GRIP1: variants seen among roughly 807,000 people sequenced by gnomAD.
The protein encoded by GRIP1 is glutamate receptor-interacting protein 1.
In GRIP1, 45 loss-of-function variants were observed where a neutral mutation model predicts 129.9. The ratio of observed to expected loss-of-function variants is 0.35; its 90% confidence interval spans 0.27 to 0.44. The LOEUF is 0.44. GRIP1 is among the 20% of genes least tolerant of loss of function. GRIP1 has a pLI of 1.00. For missense variants in GRIP1, 1,196 were observed against 1,396.8 expected (o/e 0.86, Z 2.29); for synonymous variants, 530 against 520.8 (o/e 1.02, Z -0.24).
intron 7 of GRIP1, among the ~76,000 whole-genome samples, chr12:66,476,344 T>C (rs2059611261): frequency 6.6e-6 from 1 of 152,046 alleles, no homozygotes; most frequent in African/African-American, 2.4e-5. Flanking sequence ...AACAGACCAA[T>C]AACAGGCTCT....
intron 11 of GRIP1, among the ~76,000 whole-genome samples, chr12:66,446,171 T>C (rs946468517): frequency 3.3e-5 from 5 of 150,662 alleles, no homozygotes; most frequent in African/African-American, 4.9e-5. Flanking sequence ...TCTAAGTTGT[T>C]GTATTTCATT....
intron 1 of GRIP1, among the ~76,000 whole-genome samples, chr12:66,812,502 T>C (rs1192369023): frequency 3.3e-5 from 5 of 152,240 alleles, no homozygotes; most frequent in African/African-American, 1.2e-4. Context: ...ATTTACTCAA[T>C]TGTTCTTCAC....
chr12:67,009,849 G>A (rs914897878), intron 1 of GRIP1, among the ~76,000 whole-genome samples: 2 of 152,154 alleles, frequency 1.3e-5, no homozygotes, highest in African/African-American at 2.4e-5. Flanking sequence ...CCACACTGAA[G>A]AAATTCTAGC....
In GRIP1 at chr12:66,772,198, G is replaced by C. The variant is rs868556489; in HGVS notation, c.-420+31855C>G. On this transcript the variant is annotated intron_variant, in intron 1 of 4. Coordinates refer to the GRIP1 transcript ENST00000538373. ...TGCTCATAGATGGCAGTGCCAGAAT[G>C]TAAACCTGGTCCTGTGATGTCCAGA... 9.2e-5 allele frequency among the ~76,000 whole-genome samples: 14 copies of C among 152,344 alleles called. 1 individual carries two copies. The Middle Eastern group carries it at 0.014, about 148-fold the overall frequency.
upstream of GRIP1, among the ~76,000 whole-genome samples, chr12:66,807,721 C>T (rs1434757888): frequency 1.6e-4 from 25 of 151,970 alleles, no homozygotes; most frequent in African/African-American, 5.6e-4. Flanking sequence ...GTGAGATGCT[C>T]ACTCCCCCTT....
intron 2 of GRIP1, among the ~76,000 whole-genome samples, chr12:66,557,340 T>C (rs540462593): frequency 1.4e-4 from 22 of 152,268 alleles, no homozygotes; most frequent in African/African-American, 5.1e-4. Flanking sequence ...CAAATATTAT[T>C]AGAGTTTAAG....
At chr12:67,057,729 G>T (rs150482951) in intron 1 of GRIP1, among the ~76,000 whole-genome samples, 4 of 152,152 alleles carry the variant, frequency 2.6e-5, no homozygotes, top group Non-Finnish European at 5.9e-5. Context: ...CAGATGAGGC[G>T]CTTTCTCAGC....
At chr12:66,929,867 C>T (rs1212754825) in intron 1 of GRIP1, among the ~76,000 whole-genome samples, 1 of 152,152 alleles carries the variant, frequency 6.6e-6, no homozygotes, top group African/African-American at 2.4e-5. Context: ...TGCCTTTTTT[C>T]TCTGTGTTCC....
In GRIP1 at chr12:66,654,289, A is replaced by T. The variant is rs183654642; in HGVS notation, c.55+24561T>A. ...TAAAACTATTCAAGATGAACTTGCA[A>T]AGATAAGGTAAAATAAAGTATCTAA... On this transcript the variant is annotated intron_variant, in intron 1 of 24. Coordinates refer to ENST00000359742, the MANE Select transcript of GRIP1 (RefSeq NM_001366722.1). 2.6e-5 allele frequency among the ~76,000 whole-genome samples: 4 copies of T among 152,364 alleles called. No individual in the cohort carries two copies. In the East Asian group the frequency reaches 5.8e-4, roughly 22 times the overall value.
In GRIP1 at chr12:66,613,479, G is replaced by A. The variant is rs79090288; in HGVS notation, c.56-16552C>T. On this transcript the variant is annotated intron_variant, in intron 1 of 24. Transcript: ENST00000359742. ...GTTCAGAATTTTAATTAAATAAAAT[G>A]AGAAACAATTGAAAAACAAGGCATC... 5.6e-3 allele frequency among the ~76,000 whole-genome samples: 847 copies of A among 152,166 alleles called. 4 individuals are homozygous for A. The highest frequency in any genetic ancestry group is 9.3e-3 in the Non-Finnish European group (630 of 67,988).
intron 2 of GRIP1, among the ~76,000 whole-genome samples, chr12:66,591,220 G>A (rs1017028590): frequency 3.5e-4 from 54 of 152,206 alleles, no homozygotes; most frequent in African/African-American, 1.3e-3. Context: ...AGGTATATTT[G>A]CAATGCTATC....
chr12:66,513,259 T>C (rs963080274), intron 7 of GRIP1, among the ~76,000 whole-genome samples: 2 of 152,136 alleles, frequency 1.3e-5, no homozygotes, highest in Non-Finnish European at 1.5e-5. Context: ...GGTAGAACAA[T>C]ATTCTCTGTC....
intron 1 of GRIP1, among the ~76,000 whole-genome samples, chr12:66,960,502 T>C (rs764232012): frequency 2.0e-5 from 3 of 152,112 alleles, no homozygotes; most frequent in Admixed American, 1.3e-4. Context: ...CTCTTTGAAA[T>C]ATCCAAGAAG....
chr12:66,378,851 G>A (rs890440998), intron 20 of GRIP1, among the ~76,000 whole-genome samples: 2 of 152,168 alleles, frequency 1.3e-5, no homozygotes, highest in African/African-American at 4.8e-5. Flanking sequence ...GGAGGCTGAC[G>A]CATGTGAATC....
chr12:66,979,252 A>AAACAAAC lies in GRIP1; in HGVS notation c.58+89797_58+89798insGTTTGTT, dbSNP rs1555257219. ...AAAAAAAAAAAAAAAAAAAAAAAAA[A>AAACAAAC]AACAAGCCCGTCATCCTGCAAGTAC... On this transcript the variant is annotated intron_variant, in intron 1 of 1. Transcript: ENST00000643019. 1.3e-4 allele frequency among the ~76,000 whole-genome samples: 14 copies of AAACAAAC among 110,240 alleles called. 1 individual carries two copies. The Admixed American group carries it at 1.3e-3, about 10-fold the overall frequency. The allele number at this position is 110,240 out of a possible 152,430, so 72.3% of individuals were successfully genotyped here. A position where few individuals can be genotyped will look rare whatever the true frequency, so the allele number is the denominator to read the frequency against.
At chr12:66,566,738 G>A (rs1378692595) in intron 2 of GRIP1, among the ~76,000 whole-genome samples, 1 of 152,120 alleles carries the variant, frequency 6.6e-6, no homozygotes. Context: ...ATTCGGCTGT[G>A]AATCCGTCTT....
intron 1 of GRIP1, among the ~76,000 whole-genome samples, chr12:66,675,472 CAA>C (rs1363207287): frequency 6.6e-6 from 1 of 152,056 alleles, no homozygotes; most frequent in Non-Finnish European, 1.5e-5. Context: ...ACAATCATGA[CAA>C]GAGAAAAAGA....
At chr12:66,372,498 T>C (rs534786370) in intron 22 of GRIP1, among the ~76,000 whole-genome samples, 7 of 152,368 alleles carry the variant, frequency 4.6e-5, no homozygotes, top group African/African-American at 1.7e-4. Context: ...CCAGAGTTTG[T>C]AGACCAGCTA....
intron 1 of GRIP1, among the ~76,000 whole-genome samples, chr12:66,871,053 T>C (rs777104698): frequency 6.6e-6 from 1 of 152,078 alleles, no homozygotes; most frequent in Non-Finnish European, 1.5e-5. Flanking sequence ...CATGTGTAAA[T>C]AAAAGTGTTA....
Sources: gnomAD v4.1 joint callset for allele counts (sites outside exome capture counted in the v4.1 genomes callset) on GRCh38, gnomAD v4.1.1 for gene constraint, MANE v1.5 for transcripts, NCBI Gene and HGNC (gene_info 2026-07-23, HGNC 2026-07-21) for gene names.